KCNQ1: variants seen among roughly 807,000 people sequenced by gnomAD.
The protein encoded by KCNQ1 is potassium voltage-gated channel subfamily KQT member 1.
KCNQ1 carries 49 observed loss-of-function variants against 72.4 expected under a neutral mutation model. The ratio of observed to expected loss-of-function variants is 0.68; its 90% CI spans 0.54 to 0.86. KCNQ1 has a LOEUF of 0.86. Ranked by LOEUF, KCNQ1 falls within the 40% of genes least tolerant of loss-of-function variation. The pLI is 0.00. For missense variants in KCNQ1, 790 were observed against 945.1 expected (o/e 0.84, Z 2.15); for synonymous variants, 450 against 412.6 (o/e 1.09, Z -1.10).
In KCNQ1 at chr11:2,651,656, C is replaced by G. The variant is rs1305181328; in HGVS notation, c.1394-10305C>G. 1 of 398,598 alleles carries G rather than the reference C, an allele frequency of 2.5e-6. No homozygotes were observed. Among genetic ancestry groups the G allele is most frequent in the African/African-American group, 2.1e-5 (1 of 48,646 alleles). 24.7% of individuals were successfully genotyped at this position (398,598 alleles called of 1,614,324 possible). On this transcript the variant is annotated intron_variant, in intron 10 of 15. Transcript: ENST00000155840. The surrounding 1 kb of genome is among the most constrained non-coding windows in gnomAD (Gnocchi z 6.1). ...CCTGGGGTCTCTGTCTCTCCCACAG[C>G]TCACTGACATTAGCCACGTGGCCCT...
At chr11:2,529,414 G>A (rs1847571964) in intron 2 of KCNQ1, among the ~76,000 whole-genome samples, 3 of 151,938 alleles carry the variant, frequency 2.0e-5, no homozygotes, top group South Asian at 2.1e-4. Context: ...CTCGAAGGCC[G>A]CGGGTGAATA....
At chr11:2,681,910 A>T (rs1202987252) in intron 11 of KCNQ1, 2 of 398,518 alleles carry the variant, frequency 5.0e-6, no homozygotes, top group Admixed American at 8.8e-5. Context: ...GCCATAATGA[A>T]CACACGTTTA....
At position 2,563,653 on chromosome 11, in the gene KCNQ1, G is replaced by T. The variant is rs954551536; in HGVS notation, c.478-6975G>T. 6.6e-6 allele frequency among the ~76,000 whole-genome samples: 1 copy of T among 152,188 alleles called. No homozygotes were observed. Among genetic ancestry groups the T allele is most frequent in the Non-Finnish European group, 1.5e-5 (1 of 68,044 alleles). ...CAGTGACTGTGCCTTAGGGTGTCCC[G>T]TTGGCATCCAGGGCCCCCCGTGAAG... is the stretch of plus-strand genomic sequence containing the variant. On this transcript the variant is annotated intron_variant, in intron 2 of 15. Transcript: ENST00000155840. The surrounding 1 kb of genome is among the most constrained non-coding windows in gnomAD (Gnocchi z 7.4).
Position 2,507,175 on chromosome 11 carries a change from G to T in KCNQ1, c.387-20753G>T, listed in dbSNP as rs1183748591. On this transcript the variant is annotated intron_variant, in intron 1 of 15. Coordinates refer to ENST00000155840, the MANE Select transcript of KCNQ1 (RefSeq NM_000218.3). This position sits in a 1 kb window ranked among gnomAD's most constrained non-coding sequence, Gnocchi z 5.4. ...CTGTGTTTTCTTCTGGAGGTTTGGG[G>T]TCTTGTCTTCAGCATTTAGCTCCTT... is the stretch of plus-strand genomic sequence containing the variant. Among the ~76,000 whole-genome samples the T allele has an allele frequency of 6.6e-6, 1 of 152,174 alleles. No homozygotes were observed. The highest frequency in any genetic ancestry group is 1.5e-5 in the Non-Finnish European group (1 of 68,034).
Position 2,572,981 on chromosome 11 carries a change from GGGGT to G in KCNQ1, c.919_921+1del. On this transcript the variant is annotated frameshift_variant and splice_region_variant, in exon 6 of 16. Coordinates refer to ENST00000155840, the MANE Select transcript of KCNQ1 (RefSeq NM_000218.3). LOFTEE classifies it high-confidence loss of function. ...CAGCTACGCAGATGCGCTGTGGTGG[GGGGT>G]GGTAAGTCGGAAACTTCCAGGCATG... 6.2e-7 allele frequency: 1 copy of G among 1,613,008 alleles called. No homozygotes were observed. The highest frequency in any genetic ancestry group is 1.1e-5 in the South Asian group (1 of 91,072).
At chr11:2,643,060 A>G in intron 10 of KCNQ1, 1 of 398,034 alleles carries the variant, frequency 2.5e-6, no homozygotes, top group Non-Finnish European at 4.4e-6. Context: ...TATATTTAAA[A>G]TCATACTTAG....
chr11:2,610,870 T>G, intron 10 of KCNQ1: 1 of 398,368 alleles, frequency 2.5e-6, no homozygotes, highest in Non-Finnish European at 4.4e-6. Context: ...GAGTGCCACA[T>G]AGCCTCACCT....
chr11:2,763,898 G>A (rs1160581702), intron 11 of KCNQ1, among the ~76,000 whole-genome samples: 3 of 151,972 alleles, frequency 2.0e-5, no homozygotes, highest in African/African-American at 7.3e-5. Flanking sequence ...CTTAAAACCG[G>A]CGTTCTTGTT....
At chr11:2,655,932 C>T (rs1026295329) in intron 10 of KCNQ1, 13 of 398,712 alleles carry the variant, frequency 3.3e-5, no homozygotes, top group Middle Eastern at 6.3e-4. Flanking sequence ...AACCAAAAAG[C>T]ACACATTCCT....
Position 2,827,012 on chromosome 11 carries a change from GTCAC to G in KCNQ1, c.1795-20750_1795-20747del, listed in dbSNP as rs748947313. Among the ~76,000 whole-genome samples the G allele has an allele frequency of 1.3e-5, 2 of 152,192 alleles. No individual in the cohort carries two copies. The highest frequency in any genetic ancestry group is 2.1e-4 in the South Asian group (1 of 4,830). ...TCTAAGGAGTTTGGAGTCATTTTCA[GTCAC>G]TCACAAGCCACAGGAGGGCTTCAGC... On this transcript the variant is annotated intron_variant, in intron 15 of 15. Coordinates refer to ENST00000155840, the MANE Select transcript of KCNQ1 (RefSeq NM_000218.3). The surrounding 1 kb of genome is among the most constrained non-coding windows in gnomAD (Gnocchi z 6.7).
intron 10 of KCNQ1, chr11:2,628,071 T>C: frequency 2.5e-6 from 1 of 398,648 alleles, no homozygotes; most frequent in Non-Finnish European, 4.4e-6. Flanking sequence ...TGCTCATTTC[T>C]TGACTACTGT....
At position 2,624,469 on chromosome 11, in the gene KCNQ1, T is replaced by A. The variant is rs187237625; in HGVS notation, c.1393+35615T>A. The stretch of plus-strand genomic sequence containing the variant: ...TCTTTCATGAATCATGCCTTTGGTG[T>A]CATATCTAAAAAGCCATCACCAAAC... On this transcript the variant is annotated intron_variant, in intron 10 of 15. Coordinates refer to ENST00000155840, the MANE Select transcript of KCNQ1 (RefSeq NM_000218.3). This position sits in a 1 kb window ranked among gnomAD's most constrained non-coding sequence, Gnocchi z 4.9. The A allele has an allele frequency of 2.5e-6, 1 of 398,504 alleles. No homozygotes were observed. Among genetic ancestry groups the A allele is most frequent in the East Asian group, 3.6e-5 (1 of 28,046 alleles). 24.7% of individuals were successfully genotyped at this position (398,504 alleles called of 1,614,324 possible).
Position 2,821,219 on chromosome 11 carries a change from T to G in KCNQ1, c.1795-26548T>G, listed in dbSNP as rs1477664877. On this transcript the variant is annotated intron_variant, in intron 15 of 15. Transcript: ENST00000155840. The stretch of plus-strand genomic sequence containing the variant: ...GCGGACACCGAAGCCTGGTGCTCTG[T>G]GCGAGTCCCGTTTCCTCGCCTCTCA... Among the ~76,000 whole-genome samples the G allele has an allele frequency of 2.6e-5, 4 of 152,212 alleles. No homozygotes were observed. In the East Asian group the frequency reaches 5.8e-4, roughly 22 times the overall value.
Position 2,682,707 on chromosome 11 carries a change from A to G in KCNQ1, c.1514+20626A>G. Reference sequence around the variant, plus strand: ...GCTGGGGTCCAAAGTTGACCAGAATATCTCTAGTCATAAAGAATCTCTTCC... The same window carrying G: ...GCTGGGGTCCAAAGTTGACCAGAATGTCTCTAGTCATAAAGAATCTCTTCC... On this transcript the variant is annotated intron_variant, in intron 11 of 15. Transcript: ENST00000155840. This position sits in a 1 kb window ranked among gnomAD's most constrained non-coding sequence, Gnocchi z 5.8. 2.5e-6 allele frequency: 1 copy of G among 398,568 alleles called. No homozygotes were observed. 24.7% of individuals were successfully genotyped at this position (398,568 alleles called of 1,614,324 possible). A position where few individuals can be genotyped will look rare whatever the true frequency, so the allele number is the denominator to read the frequency against.
chr11:2,759,449 C>A lies in KCNQ1; in HGVS notation c.1515-9395C>A, dbSNP rs1188278591. On this transcript the variant is annotated intron_variant, in intron 11 of 15. Coordinates refer to ENST00000155840, the MANE Select transcript of KCNQ1 (RefSeq NM_000218.3). This position sits in a 1 kb window ranked among gnomAD's most constrained non-coding sequence, Gnocchi z 4.4. ...CAGGGGTCCCCAGGGGATGTTCCTT[C>A]CCCAAGGCGCTGTGGCCACTTAGAG... Among the ~76,000 whole-genome samples, 4 of 152,186 alleles carry A rather than the reference C, an allele frequency of 2.6e-5. No individual in the cohort carries two copies. Among genetic ancestry groups the A allele is most frequent in the African/African-American group, 7.2e-5 (3 of 41,452 alleles).
In KCNQ1 at chr11:2,798,918, G is replaced by A. The variant is rs535867140; in HGVS notation, c.1794+20881G>A. Among the ~76,000 whole-genome samples, 44 of 151,750 alleles carry A rather than the reference G, an allele frequency of 2.9e-4. No individual in the cohort carries two copies. In the South Asian group the frequency reaches 6.0e-3, roughly 21 times the overall value. ...GGGGCTGGAGGAGCAGGAACAGGAC[G>A]GGGGAAGGAGAGGAAGAAGAGGAAG... On this transcript the variant is annotated intron_variant, in intron 15 of 15. Transcript: ENST00000155840.
Position 2,707,977 on chromosome 11 carries a change from G to A in KCNQ1, c.1514+45896G>A, listed in dbSNP as rs571825644. ...CCCCCCAGAGTTCCTGTGTGTGGCC[G>A]GGTGAATGTGCACAGGTCGAGGAGG... On this transcript the variant is annotated intron_variant, in intron 11 of 15. Transcript: ENST00000155840. 9.2e-5 allele frequency among the ~76,000 whole-genome samples: 14 copies of A among 152,328 alleles called. No homozygotes were observed. In the South Asian group the frequency reaches 2.1e-3, roughly 23 times the overall value.
At position 2,653,598 on chromosome 11, in the gene KCNQ1, C is replaced by A; in HGVS notation, c.1394-8363C>A. The A allele has an allele frequency of 2.5e-6, 1 of 398,690 alleles. No individual in the cohort carries two copies. Among genetic ancestry groups the A allele is most frequent in the Admixed American group, 4.4e-5 (1 of 22,730 alleles). 24.7% of individuals were successfully genotyped at this position (398,690 alleles called of 1,614,324 possible). A position where few individuals can be genotyped will look rare whatever the true frequency, so the allele number is the denominator to read the frequency against. ...GTTCTCCCTTTCCCTTGCTCTCTAT[C>A]CATTGGCCCCATGGGATGGCTGTAT... On this transcript the variant is annotated intron_variant, in intron 10 of 15. Coordinates refer to ENST00000155840, the MANE Select transcript of KCNQ1 (RefSeq NM_000218.3). The surrounding 1 kb of genome is among the most constrained non-coding windows in gnomAD (Gnocchi z 5.3).
intron 15 of KCNQ1, among the ~76,000 whole-genome samples, chr11:2,807,231 G>A (rs952924382): frequency 3.3e-5 from 5 of 152,212 alleles, no homozygotes; most frequent in Admixed American, 1.3e-4. Flanking sequence ...CTGACAAGCC[G>A]CAGCGACGCC....
Sources: gnomAD v4.1 joint callset for allele counts (sites outside exome capture counted in the v4.1 genomes callset) on GRCh38, gnomAD v4.1.1 for gene constraint, Gnocchi (gnomAD v3.1) non-coding constraint, MANE v1.5 for transcripts, NCBI Gene and HGNC (gene_info 2026-07-23, HGNC 2026-07-21) for gene names.